ZNF529: variants seen among roughly 807,000 people sequenced by gnomAD.
ZNF529 encodes zinc finger protein 529.
In ZNF529, 11 loss-of-function variants were observed where a neutral mutation model predicts 10.1. The ratio of observed to expected loss-of-function variants is 1.09; its 90% CI spans 0.69 to 1.81. ZNF529 has a LOEUF of 1.81. Among genes scored for constraint, ZNF529 ranks in the 40% most tolerant of loss-of-function variants. The pLI is 0.00. For missense variants in ZNF529, 624 were observed against 666.8 expected, an observed-to-expected ratio of 0.94 and a Z score of 0.71; for synonymous variants, 204 against 215.7, an observed-to-expected ratio of 0.95 and a Z score of 0.47.
intron 2 of ZNF529, among the ~76,000 whole-genome samples, chr19:36,571,918 T>C (rs1303220471): frequency 6.6e-6 from 1 of 151,150 alleles, no homozygotes; most frequent in Non-Finnish European, 1.5e-5. Flanking sequence ...TGCATAAAAC[T>C]CCTATCATAT....
At chr19:36,551,176 T>C (rs983553892) in intron 4 of ZNF529, among the ~76,000 whole-genome samples, 1 of 152,188 alleles carries the variant, frequency 6.6e-6, no homozygotes, top group South Asian at 2.1e-4. Flanking sequence ...GTGCCACCAT[T>C]TTGACAATAC....
intron 1 of ZNF529, among the ~76,000 whole-genome samples, chr19:36,602,045 C>T (rs1031075426): frequency 2.7e-5 from 3 of 111,402 alleles, no homozygotes; most frequent in East Asian, 4.2e-4. Flanking sequence ...TGCACCTGAA[C>T]GCTACAATTT....
chr19:36,591,309 AAAAAG>A (rs1210474034), intron 1 of ZNF529, among the ~76,000 whole-genome samples: 1 of 151,842 alleles, frequency 6.6e-6, no homozygotes, highest in African/African-American at 2.4e-5. Flanking sequence ...AAAAAAAAAA[AAAAAG>A]AAAATAATTA....
intron 1 of ZNF529, among the ~76,000 whole-genome samples, chr19:36,591,159 C>A (rs1483551685): frequency 6.6e-6 from 1 of 150,986 alleles, no homozygotes; most frequent in Non-Finnish European, 1.5e-5. Flanking sequence ...ATTAGTTGGG[C>A]ATGGTGGTGT....
At position 36,546,227 on chromosome 19, in the gene ZNF529, A is replaced by ATACACTATATG. The variant is rs1600234255; in HGVS notation, c.*638_*639insCATATAGTGTA. 9.0e-6 allele frequency: 1 copy of ATACACTATATG among 111,004 alleles called. No homozygotes were observed. Among genetic ancestry groups the ATACACTATATG allele is most frequent in the East Asian group, 2.3e-4 (1 of 4,396 alleles). 6.9% of individuals were successfully genotyped at this position (111,004 alleles called of 1,614,324 possible). ...TACACTATATGTGTATATACACTAT[A>ATACACTATATG]TGTATATAGTGTGTGTGTGTGTGTG... On this transcript the variant is annotated 3_prime_UTR_variant, in exon 5 of 5. Transcript: ENST00000591340.
chr19:36,602,822 C>T (rs1486549396), intron 1 of ZNF529, among the ~76,000 whole-genome samples: 2 of 151,336 alleles, frequency 1.3e-5, no homozygotes, highest in Non-Finnish European at 2.9e-5. Context: ...CCCAGCTACT[C>T]GGGAGGCTGA....
chr19:36,574,829 CA>C (rs1768520288), upstream of ZNF529: 1 of 471,046 alleles, frequency 2.1e-6, no homozygotes, highest in African/African-American at 2.0e-5. Context: ...AGGTTTTATA[CA>C]TTACGAATAA....
chr19:36,602,421 CAT>C (rs895671820), intron 1 of ZNF529, among the ~76,000 whole-genome samples: 1 of 150,696 alleles, frequency 6.6e-6, no homozygotes. Flanking sequence ...ATAATTTTCA[CAT>C]GTCATGAAAT....
At chr19:36,603,736 G>T (rs986930510) in intron 1 of ZNF529, among the ~76,000 whole-genome samples, 10 of 152,166 alleles carry the variant, frequency 6.6e-5, no homozygotes, top group African/African-American at 2.4e-4. Flanking sequence ...AGAAAGACTG[G>T]AATATTGTTG....
chr19:36,604,105 G>A (rs1028181073), intron 1 of ZNF529, among the ~76,000 whole-genome samples: 1 of 152,090 alleles, frequency 6.6e-6, no homozygotes, highest in Non-Finnish European at 1.5e-5. Flanking sequence ...GCTTGAACCC[G>A]GAAGGCGGAG....
At position 36,547,108 on chromosome 19, in the gene ZNF529, C is replaced by G. The variant is rs539319778; in HGVS notation, c.1450G>C (p.Gly484Arg). ...GEKPYECKVC[G>R]KAFRHSSALT... ...GCTGAACTATGTCTAAAGGCCTTCC[C>G]ACATACCTTACATTCATAAGGTTTC... Residue 484 changes from glycine (G) to arginine (R), a missense_variant, in exon 5 of 5, where the codon GGG becomes CGG. Gly to Arg is a moderately radical substitution (Grantham distance 125). Transcript: ENST00000591340. The G allele has an allele frequency of 5.0e-6, 8 of 1,613,878 alleles. No individual in the cohort carries two copies. In the Admixed American group the frequency reaches 1.3e-4, roughly 27 times the overall value.
rs1035947352 is a variant in ZNF529 at position 36,571,639 on chromosome 19, C to T, written c.14+694G>A. Reference sequence around the variant, plus strand: ...GCAGTGAACTGAGATCGCACCATTGCGCTCCAGCCTGGGCAATAACAGTGA... The same window carrying T: ...GCAGTGAACTGAGATCGCACCATTGTGCTCCAGCCTGGGCAATAACAGTGA... On this transcript the variant is annotated intron_variant, in intron 2 of 4. Transcript: ENST00000591340. Among the ~76,000 whole-genome samples, 8 of 149,290 alleles carry T rather than the reference C, an allele frequency of 5.4e-5. No individual in the cohort carries two copies. The East Asian group carries it at 1.4e-3, about 26-fold the overall frequency.
chr19:36,552,170 C>T (rs1247202306), intron 4 of ZNF529, among the ~76,000 whole-genome samples: 7 of 152,106 alleles, frequency 4.6e-5, no homozygotes, highest in Admixed American at 1.3e-4. Flanking sequence ...GTGGCTTACA[C>T]CTGTAATCCC....
At chr19:36,578,291 C>CTTATTTT (rs2036381471), upstream of ZNF529, among the ~76,000 whole-genome samples, 2 of 31,792 alleles carry the variant, frequency 6.3e-5, no homozygotes, top group Non-Finnish European at 1.1e-4. Flanking sequence ...GTCTTGATCT[C>CTTATTTT]TTTTTTTTTT....
intron 2 of ZNF529, among the ~76,000 whole-genome samples, chr19:36,571,061 GCTAAT>G (rs1272244555): frequency 1.3e-5 from 2 of 152,030 alleles, no homozygotes; most frequent in Admixed American, 1.3e-4. Context: ...CTTTTCCTAA[GCTAAT>G]TAACACAGGA....
intron 2 of ZNF529, among the ~76,000 whole-genome samples, chr19:36,564,680 C>A (rs2035832160): frequency 6.6e-6 from 1 of 152,174 alleles, no homozygotes; most frequent in South Asian, 2.1e-4. Flanking sequence ...CTGTGGGATG[C>A]AGTTTGGAGA....
intron 2 of ZNF529, among the ~76,000 whole-genome samples, chr19:36,566,095 C>A (rs1490830083): frequency 2.0e-5 from 3 of 152,128 alleles, no homozygotes; most frequent in Non-Finnish European, 2.9e-5. Context: ...CCTTGACTAA[C>A]ACCTAGAAGA....
Position 36,554,770 on chromosome 19 carries a change from G to T in ZNF529, c.135C>A (p.Val45=). The change falls in exon 4 of 5, where the codon GTC becomes GTA. Residue 45 remains valine (V), a synonymous_variant. Transcript: ENST00000591340. ...CCCATTCCTCCTGAGAGAAGTTGATGACCACATCCCTGAGTGTCACCAGTT... is the reference window on the plus strand; with the variant it reads ...CCCATTCCTCCTGAGAGAAGTTGATTACCACATCCCTGAGTGTCACCAGTT... ...DHELVTLRDV[V]INFSQEEWEY... The T allele has an allele frequency of 6.4e-7, 1 of 1,573,694 alleles. No individual in the cohort carries two copies. The highest frequency in any genetic ancestry group is 1.2e-5 in the South Asian group (1 of 85,514).
chr19:36,548,170 C>T lies in ZNF529; in HGVS notation c.388G>A (p.Asp130Asn), dbSNP rs922835556. 4 of 1,613,814 alleles carry T rather than the reference C, an allele frequency of 2.5e-6. No homozygotes were observed. The highest frequency in any genetic ancestry group is 3.4e-6 in the Non-Finnish European group (4 of 1,179,836). ...RNDWQSKSKI[D>N]LQGPEVGYFS... Reference sequence around the variant, plus strand: ...TATCCCACTTCAGGTCCTTGTAAGTCAATCTTGCTTTTGCTTTGCCAGTCA... The same window carrying T: ...TATCCCACTTCAGGTCCTTGTAAGTTAATCTTGCTTTTGCTTTGCCAGTCA... Residue 130 changes from aspartate (D) to asparagine (N), a missense_variant, in exon 5 of 5, where the codon GAC becomes AAC. Asp to Asn is a conservative substitution (Grantham distance 23). Transcript: ENST00000591340.
Sources: gnomAD v4.1 joint callset for allele counts (sites outside exome capture counted in the v4.1 genomes callset) on GRCh38, gnomAD v4.1.1 for gene constraint, MANE v1.5 for transcripts, NCBI Gene and HGNC (gene_info 2026-07-23, HGNC 2026-07-21) for gene names.